Variants in MAN2A1 observed in about 807,000 individuals in gnomAD.
The protein encoded by MAN2A1 is alpha-mannosidase 2.
A neutral mutation model predicts 142.6 loss-of-function variants in MAN2A1; 76 were observed. The observed-to-expected ratio is 0.53, with a 90% confidence interval of 0.44 to 0.65. The LOEUF is 0.65. MAN2A1 is among the 30% of genes least tolerant of loss of function. The pLI, the probability that MAN2A1 is intolerant of heterozygous loss-of-function variation, is 0.00. For synonymous variants in MAN2A1, 559 were observed against 473.2 expected (o/e 1.18, Z -2.35); for missense variants, 1,311 against 1,365.1 (o/e 0.96, Z 0.62).
At chr5:109,720,450 A>T (rs1751569568) in intron 3 of MAN2A1, among the ~76,000 whole-genome samples, 1 of 152,218 alleles carries the variant, frequency 6.6e-6, no homozygotes, top group Admixed American at 6.5e-5. Context: ...CCTCTAAAAA[A>T]GTTTGTAAAA....
intron 4 of MAN2A1, among the ~76,000 whole-genome samples, chr5:109,752,447 G>T (rs186889076): frequency 6.6e-6 from 1 of 152,208 alleles, no homozygotes; most frequent in Non-Finnish European, 1.5e-5. Flanking sequence ...AGTGCCGGAC[G>T]TGCCAACGTG....
intron 16 of MAN2A1, among the ~76,000 whole-genome samples, chr5:109,824,939 A>G (rs140522319): frequency 4.5e-4 from 68 of 152,324 alleles, no homozygotes; most frequent in Middle Eastern, 6.8e-3. Flanking sequence ...TAATAATATG[A>G]TAGGTTTTTC....
intron 1 of MAN2A1, among the ~76,000 whole-genome samples, chr5:109,691,129 A>T (rs1750659187): frequency 6.6e-6 from 1 of 151,948 alleles, no homozygotes; most frequent in African/African-American, 2.4e-5. Flanking sequence ...TTCAGCTATT[A>T]CATCTGGTTT....
rs1295453325 is a variant in MAN2A1, at chr5:109,869,480, TTGTC to T, written c.*2485_*2488del. The stretch of plus-strand genomic sequence containing the variant: ...TGTGCCGAAGTGTTTTGATATTCCT[TTGTC>T]TGGAAGAAAATGTTTGCTTTCATTT... On this transcript the variant is annotated 3_prime_UTR_variant, in exon 22 of 22. Transcript: ENST00000261483. The T allele has an allele frequency of 6.6e-6, 1 of 152,232 alleles. No individual in the cohort carries two copies. The highest frequency in any genetic ancestry group is 2.4e-5 in the African/African-American group (1 of 41,458). 9.4% of individuals were successfully genotyped at this position (152,232 alleles called of 1,614,324 possible).
At chr5:109,780,861 C>T (rs996667756) in intron 8 of MAN2A1, among the ~76,000 whole-genome samples, 6 of 152,072 alleles carry the variant, frequency 3.9e-5, no homozygotes, top group Admixed American at 2.6e-4. Context: ...TTTAAAATGA[C>T]CTGCTGTTCT....
intron 16 of MAN2A1, among the ~76,000 whole-genome samples, chr5:109,841,457 G>A (rs1003148312): frequency 1.1e-4 from 17 of 152,118 alleles, no homozygotes; most frequent in Admixed American, 5.2e-4. Flanking sequence ...CATGGAGGTC[G>A]CTGCAAATGC....
At chr5:109,864,317 A>G (rs1279414471) in intron 20 of MAN2A1, 1 of 152,242 alleles carries the variant, frequency 6.6e-6, no homozygotes, top group Non-Finnish European at 1.5e-5. Flanking sequence ...TAAACCATTC[A>G]TGACATTGAT....
chr5:109,703,211 A>C (rs1751038066), intron 1 of MAN2A1, among the ~76,000 whole-genome samples: 1 of 152,232 alleles, frequency 6.6e-6, no homozygotes. Flanking sequence ...TTTTGTTTTG[A>C]AATTGTTTGT....
At chr5:109,816,694 A>C (rs938879013) in intron 12 of MAN2A1, among the ~76,000 whole-genome samples, 2 of 152,182 alleles carry the variant, frequency 1.3e-5, no homozygotes, top group South Asian at 2.1e-4. Context: ...CTGTGAGATT[A>C]GGTAGGAATC....
At chr5:109,820,090 T>C in intron 14 of MAN2A1, 130 bp from the exon 15 acceptor site, 3 of 875,512 alleles carry the variant, frequency 3.4e-6, no homozygotes, top group Non-Finnish European at 5.2e-6. Flanking sequence ...TACTCCGTGG[T>C]CTGTGTGTCA....
chr5:109,770,212 T>G, intron 6 of MAN2A1, 143 bp from the exon 7 acceptor site: 1 of 658,626 alleles, frequency 1.5e-6, no homozygotes, highest in Non-Finnish European at 2.6e-6. Flanking sequence ...ACCGCTGGGG[T>G]ATATGTACTG....
chr5:109,770,234 G>T (rs756538786), intron 6 of MAN2A1, 121 bp from the exon 7 acceptor site: 48 of 841,366 alleles, frequency 5.7e-5, no homozygotes, highest in Non-Finnish European at 8.0e-5. Context: ...AAGTTAAAGG[G>T]GCTGCTGATT....
At chr5:109,743,785 T>C (rs1256476771) in intron 4 of MAN2A1, among the ~76,000 whole-genome samples, 1 of 152,230 alleles carries the variant, frequency 6.6e-6, no homozygotes, top group East Asian at 1.9e-4. Flanking sequence ...GTTAGTTTTC[T>C]AATATGTGAG....
At chr5:109,838,736 T>C (rs538423922) in intron 16 of MAN2A1, among the ~76,000 whole-genome samples, 1 of 152,360 alleles carries the variant, frequency 6.6e-6, no homozygotes, top group South Asian at 2.1e-4. Context: ...TTTAATCTTA[T>C]TTTAAAAGTC....
At position 109,735,871 on chromosome 5, in the gene MAN2A1, C is replaced by T. The variant is rs553469774; in HGVS notation, c.707+6358C>T. Among the ~76,000 whole-genome samples, 5 of 132,684 alleles carry T rather than the reference C, an allele frequency of 3.8e-5. 1 individual carries two copies. In the South Asian group the frequency reaches 1.2e-3, roughly 31 times the overall value. 87.0% of individuals were successfully genotyped at this position (132,684 alleles called of 152,430 possible). On this transcript the variant is annotated intron_variant, in intron 4 of 21. Coordinates refer to ENST00000261483, the MANE Select transcript of MAN2A1 (RefSeq NM_002372.4). ...GGGAGAATTGACTTTTTATAATTTC[C>T]ATTGGAGTTTTTTTTTTTTTTTTTT...
chr5:109,804,294 A>G (rs1212904492), intron 12 of MAN2A1: 11 of 986,894 alleles, frequency 1.1e-5, no homozygotes, highest in Non-Finnish European at 1.2e-5. Context: ...GAAACATTTT[A>G]AATAGAGCCT....
chr5:109,860,654 A>G (rs142970146), intron 20 of MAN2A1, among the ~76,000 whole-genome samples: 3 of 152,302 alleles, frequency 2.0e-5, no homozygotes, highest in African/African-American at 7.2e-5. Context: ...GAGAGGAATG[A>G]CATAACTCAC....
At chr5:109,860,079 T>C (rs1446408453) in intron 20 of MAN2A1, among the ~76,000 whole-genome samples, 1 of 152,168 alleles carries the variant, frequency 6.6e-6, no homozygotes, top group Non-Finnish European at 1.5e-5. Flanking sequence ...CACTTGTTCA[T>C]TCTGCCTCTT....
At chr5:109,728,583 A>G (rs1327340697) in intron 3 of MAN2A1, among the ~76,000 whole-genome samples, 2 of 152,196 alleles carry the variant, frequency 1.3e-5, no homozygotes, top group African/African-American at 2.4e-5. Context: ...TCTTATAGCC[A>G]AATTGCAACT....
Sources: gnomAD v4.1 joint callset for allele counts (sites outside exome capture counted in the v4.1 genomes callset) on GRCh38, gnomAD v4.1.1 for gene constraint, MANE v1.5 for transcripts, NCBI Gene and HGNC (gene_info 2026-07-23, HGNC 2026-07-21) for gene names.